The following P2RX3 variants were observed in gnomAD, a reference collection of about 807,000 sequenced individuals.
The protein encoded by P2RX3 is purinergic receptor P2X 3, also known as P2X purinoceptor 3.
Under a neutral mutation model 51.5 loss-of-function variants are expected in P2RX3, and 41 were observed. That is an observed-to-expected ratio of 0.80 (90% CI 0.62 to 1.03). P2RX3 has a LOEUF of 1.03. Among genes scored for constraint, P2RX3 ranks in the 50% least tolerant of loss-of-function variants. The pLI is 0.00. For synonymous variants in P2RX3, 185 were observed against 191.6 expected, an observed-to-expected ratio of 0.97 and a Z score of 0.29; for missense variants, 459 against 522.1, an observed-to-expected ratio of 0.88 and a Z score of 1.18.
intron 1 of P2RX3, among the ~76,000 whole-genome samples, chr11:57,341,826 C>G (rs1856345191): frequency 6.6e-6 from 1 of 152,270 alleles, no homozygotes; most frequent in Admixed American, 6.5e-5. Context: ...GAGCCTCTGA[C>G]CCCACCACAG....
chr11:57,365,927 A>C (rs1249223111), intron 8 of P2RX3, among the ~76,000 whole-genome samples: 1 of 152,198 alleles, frequency 6.6e-6, no homozygotes, highest in African/African-American at 2.4e-5. Flanking sequence ...CCCTGTCAGG[A>C]GCATCACGTC....
In P2RX3 at chr11:57,370,053, C is replaced by G. The variant is rs570145486; in HGVS notation, c.*56C>G. Reference sequence around the variant, plus strand: ...GGCTCCAGGCCTCCCCACAGAGGACCCTGCCTGAGCAAGGGGCATGGGAGG... The same window carrying G: ...GGCTCCAGGCCTCCCCACAGAGGACGCTGCCTGAGCAAGGGGCATGGGAGG... On this transcript the variant is annotated 3_prime_UTR_variant, in exon 12 of 12. Coordinates refer to ENST00000263314, the MANE Select transcript of P2RX3 (RefSeq NM_002559.5). 18 of 1,198,692 alleles carry G rather than the reference C, an allele frequency of 1.5e-5. No individual in the cohort carries two copies. Among genetic ancestry groups the G allele is most frequent in the Non-Finnish European group, 2.1e-5 (18 of 860,742 alleles). 74.3% of individuals were successfully genotyped at this position (1,198,692 alleles called of 1,614,324 possible).
chr11:57,349,694 G>A, intron 6 of P2RX3, 63 bp from the exon 7 acceptor site: 1 of 1,604,962 alleles, frequency 6.2e-7, no homozygotes, highest in Non-Finnish European at 8.5e-7. Context: ...AAGGCGGGGA[G>A]AGATTGCACA....
Position 57,370,027 on chromosome 11 carries a change from AG to A in P2RX3, c.*32del. 6.7e-7 allele frequency: 1 copy of A among 1,503,116 alleles called. No individual in the cohort carries two copies. Among genetic ancestry groups the A allele is most frequent in the African/African-American group, 1.4e-5 (1 of 72,370 alleles). The allele number at this position is 1,503,116 out of a possible 1,614,324, so 93.1% of individuals were successfully genotyped here. The stretch of plus-strand genomic sequence containing the variant: ...TCTTTCCAGGGCCCCACACTCACAA[AG>A]GCTCCAGGCCTCCCCACAGAGGACC... On this transcript the variant is annotated 3_prime_UTR_variant, in exon 12 of 12. Transcript: ENST00000263314.
intron 8 of P2RX3, among the ~76,000 whole-genome samples, chr11:57,361,859 T>A (rs1856724353): frequency 6.6e-6 from 1 of 152,208 alleles, no homozygotes; most frequent in Non-Finnish European, 1.5e-5. Flanking sequence ...CACTTTCACA[T>A]GAAGCCTTGC....
intron 1 of P2RX3, among the ~76,000 whole-genome samples, chr11:57,339,948 C>G (rs1359513144): frequency 6.6e-6 from 1 of 152,192 alleles, no homozygotes; most frequent in Non-Finnish European, 1.5e-5. Context: ...AAGGCTGTAC[C>G]ATCCAGTGCT....
chr11:57,337,350 G>GAAAAAAAAAAAAAAAAGAAAAAAAA (rs11339711), upstream of P2RX3, among the ~76,000 whole-genome samples: 1 of 73,494 alleles, frequency 1.4e-5, no homozygotes, highest in Non-Finnish European at 2.5e-5. Flanking sequence ...AGGAAAGAAA[G>GAAAAAAAAAAAAAAAAGAAAAAAAA]AAAAAAAAAA....
chr11:57,367,475 C>G (rs559756389), intron 8 of P2RX3, among the ~76,000 whole-genome samples: 13 of 152,188 alleles, frequency 8.5e-5, no homozygotes, highest in African/African-American at 2.4e-5. Context: ...AATCCCAGCA[C>G]TTTTGGAGGC....
At chr11:57,351,044 C>A in intron 8 of P2RX3, 146 bp downstream of exon 8, 2 of 1,161,444 alleles carry the variant, frequency 1.7e-6, no homozygotes, top group Non-Finnish European at 2.4e-6. Flanking sequence ...AGGAAGGACT[C>A]TCTAACAGCC....
At chr11:57,369,267 T>C (rs1035862244) in intron 10 of P2RX3, 94 bp from the exon 11 acceptor site, 1 of 1,055,778 alleles carries the variant, frequency 9.5e-7, no homozygotes. Flanking sequence ...TTTAGGCAGC[T>C]TGGGGGTGCT....
intron 8 of P2RX3, among the ~76,000 whole-genome samples, chr11:57,358,426 TC>T (rs1336150493): frequency 6.6e-6 from 1 of 152,168 alleles, no homozygotes; most frequent in African/African-American, 2.4e-5. Context: ...TAAATTTGAA[TC>T]CAAATAACGA....
intron 1 of P2RX3, among the ~76,000 whole-genome samples, chr11:57,343,473 G>A (rs1226360325): frequency 2.6e-5 from 4 of 152,226 alleles, no homozygotes; most frequent in Non-Finnish European, 4.4e-5. Context: ...TCTGGAGCAC[G>A]TTGTCTGGTT....
At chr11:57,369,855 C>T (rs376480469) in intron 11 of P2RX3, 29 bp from the exon 12 acceptor site, 13 of 1,512,664 alleles carry the variant, frequency 8.6e-6, no homozygotes, top group South Asian at 1.1e-5. Flanking sequence ...ATAGTCAGAA[C>T]TTGACAACAC....
chr11:57,344,375 C>T (rs1351386297), intron 1 of P2RX3, among the ~76,000 whole-genome samples: 2 of 152,176 alleles, frequency 1.3e-5, no homozygotes, highest in African/African-American at 2.4e-5. Context: ...CCACATTGTG[C>T]CCCATGAATA....
intron 10 of P2RX3, among the ~76,000 whole-genome samples, chr11:57,369,128 C>T (rs997366841): frequency 6.6e-6 from 1 of 152,232 alleles, no homozygotes; most frequent in Non-Finnish European, 1.5e-5. Flanking sequence ...GTCCAATCAC[C>T]TCTTAAAGGC....
At chr11:57,368,806 C>G (rs1180499259) in intron 10 of P2RX3, among the ~76,000 whole-genome samples, 1 of 152,180 alleles carries the variant, frequency 6.6e-6, no homozygotes, top group Admixed American at 6.5e-5. Context: ...AGCCTGCCTT[C>G]AGGGACTTCC....
chr11:57,338,609 G>C lies in P2RX3; in HGVS notation c.59G>C (p.Ser20Thr), dbSNP rs765823565. The change falls in exon 1 of 12, where the codon AGC becomes ACC. Residue 20 changes from serine to threonine, a missense_variant. Physicochemically the swap from Ser to Thr is moderately conservative, Grantham distance 58. Transcript: ENST00000263314. ...YETTKSVVVK[S>T]WTIGIINRVV... ...ACCACCAAGTCGGTGGTTGTGAAGAGCTGGACCATCGGGATCATCAACCGA... is the reference window on the plus strand; with the variant it reads ...ACCACCAAGTCGGTGGTTGTGAAGACCTGGACCATCGGGATCATCAACCGA... 6.3e-7 allele frequency: 1 copy of C among 1,598,250 alleles called. No individual in the cohort carries two copies. Among genetic ancestry groups the C allele is most frequent in the Non-Finnish European group, 8.6e-7 (1 of 1,167,044 alleles).
intron 1 of P2RX3, among the ~76,000 whole-genome samples, chr11:57,344,566 GT>G (rs1415784810): frequency 1.3e-5 from 2 of 152,156 alleles, no homozygotes. Flanking sequence ...AGGCGTGGTT[GT>G]GCATGCCTGT....
chr11:57,345,387 T>C, intron 1 of P2RX3, among the ~76,000 whole-genome samples: 1 of 152,166 alleles, frequency 6.6e-6, no homozygotes, highest in Non-Finnish European at 1.5e-5. Context: ...GACAGTGAGG[T>C]TAACAAAATG....
Sources: gnomAD v4.1 joint callset for allele counts (sites outside exome capture counted in the v4.1 genomes callset) on GRCh38, gnomAD v4.1.1 for gene constraint, MANE v1.5 for transcripts, NCBI Gene and HGNC (gene_info 2026-07-23, HGNC 2026-07-21) for gene names.